Variants in SMYD3 observed in about 807,000 individuals in gnomAD.
The protein encoded by SMYD3 is SET and MYND domain containing 3.
Under a neutral mutation model 57.7 loss-of-function variants are expected in SMYD3, and 36 were observed. The observed-to-expected ratio is 0.62, with a 90% CI of 0.48 to 0.82. The LOEUF is 0.82. Ranked by LOEUF, SMYD3 falls within the 40% of genes least tolerant of loss-of-function variation. The pLI is 0.00. For missense variants in SMYD3, 515 were observed against 538.8 expected, an observed-to-expected ratio of 0.96 and a Z score of 0.44; for synonymous variants, 211 against 195.0, an observed-to-expected ratio of 1.08 and a Z score of -0.68.
chr1:245,902,572 C>A (rs2054261589), intron 8 of SMYD3, among the ~76,000 whole-genome samples: 1 of 152,174 alleles, frequency 6.6e-6, no homozygotes, highest in Non-Finnish European at 1.5e-5. Flanking sequence ...GTCATTTAGA[C>A]ACCTAAGGAC....
At chr1:246,307,348 A>C (rs1350148110) in intron 5 of SMYD3, among the ~76,000 whole-genome samples, 1 of 152,110 alleles carries the variant, frequency 6.6e-6, no homozygotes, top group African/African-American at 2.4e-5. Context: ...AAGCAAAATA[A>C]ACAAACAAAG....
intron 5 of SMYD3, among the ~76,000 whole-genome samples, chr1:246,273,394 C>T (rs2064265785): frequency 6.6e-6 from 1 of 151,690 alleles, no homozygotes. Context: ...AAGTGACCCA[C>T]CCACCTCGGC....
intron 10 of SMYD3, among the ~76,000 whole-genome samples, chr1:245,779,529 C>T (rs2046748977): frequency 6.6e-6 from 1 of 152,220 alleles, no homozygotes; most frequent in Admixed American, 6.5e-5. Flanking sequence ...AGTATATATG[C>T]ATTTCCTATG....
intron 1 of SMYD3, among the ~76,000 whole-genome samples, chr1:246,478,802 G>A (rs2068062906): frequency 1.8e-5 from 1 of 56,404 alleles, no homozygotes; most frequent in African/African-American, 4.6e-5. Flanking sequence ...CCTGGAGCTG[G>A]TACATAAGTG....
chr1:246,380,088 C>A (rs1453048888), intron 1 of SMYD3, among the ~76,000 whole-genome samples: 1 of 151,692 alleles, frequency 6.6e-6, no homozygotes, highest in Non-Finnish European at 1.5e-5. Context: ...AAAACTTCTA[C>A]ACATTTTTCT....
intron 5 of SMYD3, among the ~76,000 whole-genome samples, chr1:245,973,872 A>G (rs1312324824): frequency 6.6e-6 from 1 of 152,254 alleles, no homozygotes; most frequent in Non-Finnish European, 1.5e-5. Flanking sequence ...GTAAATGTCC[A>G]GAAAAATAAA....
At position 246,387,987 on chromosome 1, in the gene SMYD3, G is replaced by A. The variant is rs868330809; in HGVS notation, c.165-32893C>T. Among the ~76,000 whole-genome samples, 4 of 34,506 alleles carry A rather than the reference G, an allele frequency of 1.2e-4. 1 individual carries two copies. The highest frequency in any genetic ancestry group is 2.3e-3 in the South Asian group (2 of 886). 22.6% of individuals were successfully genotyped at this position (34,506 alleles called of 152,430 possible). The stretch of plus-strand genomic sequence containing the variant: ...AGCATTCATTCTTGAAAATCACCTC[G>A]AGGTTGAAGTCAGTTTCTAGGGGAC... On this transcript the variant is annotated intron_variant, in intron 1 of 11. Transcript: ENST00000490107.
intron 5 of SMYD3, among the ~76,000 whole-genome samples, chr1:246,016,238 A>T (rs1269604425): frequency 7.9e-6 from 1 of 125,924 alleles, no homozygotes; most frequent in East Asian, 3.6e-4. Context: ...CCCATCACTT[A>T]AAAAAAAAAA....
chr1:245,769,070 G>A (rs919738634), intron 10 of SMYD3, among the ~76,000 whole-genome samples: 1 of 152,204 alleles, frequency 6.6e-6, no homozygotes, highest in Non-Finnish European at 1.5e-5. Flanking sequence ...AGCTCCAGTT[G>A]TATGAATTTT....
At chr1:246,107,100 C>CCATCGTGGCTAA (rs371948645) in intron 5 of SMYD3, among the ~76,000 whole-genome samples, 3 of 139,960 alleles carry the variant, frequency 2.1e-5, no homozygotes, top group South Asian at 2.6e-4. Flanking sequence ...GAGATCGAGA[C>CCATCGTGGCTAA]CACGGTGAAA....
At chr1:246,367,904 C>CA (rs1262476540) in intron 1 of SMYD3, among the ~76,000 whole-genome samples, 1 of 151,774 alleles carries the variant, frequency 6.6e-6, no homozygotes, top group African/African-American at 2.4e-5. Flanking sequence ...CCACCCTCTT[C>CA]AAAAAAAGCA....
Position 245,749,473 on chromosome 1 carries a change from G to A in SMYD3, c.*90C>T. ...ACGGAACAGAATTTCCAATAGGAGA[G>A]GTTCACACAGCTAACAAAGCATAGA... On this transcript the variant is annotated 3_prime_UTR_variant, in exon 12 of 12. Coordinates refer to ENST00000490107, the MANE Select transcript of SMYD3 (RefSeq NM_001167740.2). The A allele has an allele frequency of 1.0e-6, 1 of 982,916 alleles. No homozygotes were observed. The highest frequency in any genetic ancestry group is 1.6e-6 in the Non-Finnish European group (1 of 627,654). 60.9% of individuals were successfully genotyped at this position (982,916 alleles called of 1,614,324 possible).
chr1:246,131,059 C>T (rs781324282), intron 5 of SMYD3, among the ~76,000 whole-genome samples: 20 of 152,076 alleles, frequency 1.3e-4, no homozygotes, highest in Non-Finnish European at 2.8e-4. Flanking sequence ...GTGTGGCTTC[C>T]TCATTCCCTC....
chr1:246,383,981 A>G (rs769796827), intron 1 of SMYD3, among the ~76,000 whole-genome samples: 1 of 152,208 alleles, frequency 6.6e-6, no homozygotes, highest in South Asian at 2.1e-4. Flanking sequence ...AAATTAAAAG[A>G]TCTGGAATGG....
In SMYD3 at chr1:245,761,778, T is replaced by C. The variant is rs569349883; in HGVS notation, c.1185+2263A>G. Among the ~76,000 whole-genome samples the C allele has an allele frequency of 3.2e-3, 456 of 143,946 alleles. 3 individuals are homozygous for C. Among genetic ancestry groups the C allele is most frequent in the Non-Finnish European group, 3.7e-3 (252 of 67,578 alleles). The allele number at this position is 143,946 out of a possible 152,430, so 94.4% of individuals were successfully genotyped here. ...CTCCTCCATTAAATTGTACACACCATATTGAGTCTTTTTTTTTTTTTTTTT... is the reference window on the plus strand; with the variant it reads ...CTCCTCCATTAAATTGTACACACCACATTGAGTCTTTTTTTTTTTTTTTTT... On this transcript the variant is annotated intron_variant, in intron 11 of 11. Coordinates refer to ENST00000490107, the MANE Select transcript of SMYD3 (RefSeq NM_001167740.2).
At chr1:246,087,925 A>G (rs1390103121) in intron 5 of SMYD3, among the ~76,000 whole-genome samples, 1 of 152,124 alleles carries the variant, frequency 6.6e-6, no homozygotes, top group Non-Finnish European at 1.5e-5. Flanking sequence ...AACATAGAAA[A>G]TTATTATTTT....
At chr1:245,980,941 C>T (rs1295404775) in intron 5 of SMYD3, among the ~76,000 whole-genome samples, 1 of 152,178 alleles carries the variant, frequency 6.6e-6, no homozygotes, top group Non-Finnish European at 1.5e-5. Flanking sequence ...CTTATGGCTG[C>T]TTTTGAGCTA....
chr1:245,980,505 G>A (rs1324157730), intron 5 of SMYD3, among the ~76,000 whole-genome samples: 1 of 152,172 alleles, frequency 6.6e-6, no homozygotes, highest in Non-Finnish European at 1.5e-5. Context: ...CATGGGAGCA[G>A]GAATTAAATG....
intron 5 of SMYD3, among the ~76,000 whole-genome samples, chr1:246,123,957 C>T (rs2061466005): frequency 6.6e-6 from 1 of 152,262 alleles, no homozygotes; most frequent in South Asian, 2.1e-4. Flanking sequence ...GTCTGTCATC[C>T]TTGTCACTAT....
Sources: gnomAD v4.1 joint callset for allele counts (sites outside exome capture counted in the v4.1 genomes callset) on GRCh38, gnomAD v4.1.1 for gene constraint, MANE v1.5 for transcripts, NCBI Gene and HGNC (gene_info 2026-07-23, HGNC 2026-07-21) for gene names.